CACNA2D1: variants seen among roughly 807,000 people sequenced by gnomAD.
CACNA2D1 encodes calcium voltage-gated channel auxiliary subunit alpha2delta 1.
CACNA2D1 carries 53 observed loss-of-function variants against 171.5 expected under a neutral mutation model. That is an observed-to-expected ratio of 0.31 (90% CI 0.25 to 0.39). The LOEUF (loss-of-function observed/expected upper bound fraction) is 0.39, where lower values mean the gene tolerates loss of function less well. Among genes scored for constraint, CACNA2D1 ranks in the 10% least tolerant of loss-of-function variants. The pLI is 1.00. For synonymous variants in CACNA2D1, 442 were observed against 443.1 expected (o/e 1.00, Z 0.03); for missense variants, 903 against 1,299.8 (o/e 0.69, Z 4.69).
At chr7:82,394,259 A>C (rs996682588) in intron 1 of CACNA2D1, among the ~76,000 whole-genome samples, 1 of 152,074 alleles carries the variant, frequency 6.6e-6, no homozygotes, top group East Asian at 1.9e-4. Context: ...CTTCTTTATA[A>C]ATCTTATAGA....
chr7:82,301,217 C>T (rs1200749191), intron 3 of CACNA2D1, among the ~76,000 whole-genome samples: 3 of 152,248 alleles, frequency 2.0e-5, no homozygotes, highest in Admixed American at 1.3e-4. Flanking sequence ...AACTCTGCCT[C>T]CTGGGTTCAA....
intron 3 of CACNA2D1, among the ~76,000 whole-genome samples, chr7:82,324,084 T>C (rs1176738900): frequency 6.6e-6 from 1 of 152,136 alleles, no homozygotes; most frequent in Non-Finnish European, 1.5e-5. Flanking sequence ...TGGCTGGGCA[T>C]GGTGGCTCAC....
intron 3 of CACNA2D1, among the ~76,000 whole-genome samples, chr7:82,331,758 A>G (rs954804725): frequency 3.2e-4 from 49 of 152,184 alleles, no homozygotes; most frequent in Non-Finnish European, 6.3e-4. Flanking sequence ...AAGACACACT[A>G]TTTCATTCCA....
chr7:82,214,028 C>G (rs139855283), intron 3 of CACNA2D1, among the ~76,000 whole-genome samples: 215 of 152,190 alleles, frequency 1.4e-3, no homozygotes, highest in African/African-American at 4.9e-3. Context: ...GCTGTGTCCC[C>G]ACATGGTTGA....
At chr7:82,159,876 A>G (rs1283967196) in intron 4 of CACNA2D1, among the ~76,000 whole-genome samples, 1 of 80,250 alleles carries the variant, frequency 1.2e-5, no homozygotes, top group East Asian at 3.1e-4. Context: ...TATAGAAAAC[A>G]GAAAATGTAG....
chr7:82,056,494 T>C (rs1277533860), intron 10 of CACNA2D1, among the ~76,000 whole-genome samples: 1 of 152,136 alleles, frequency 6.6e-6, no homozygotes, highest in Non-Finnish European at 1.5e-5. Context: ...TCCAGCTCTG[T>C]ATGTGTCAAC....
intron 3 of CACNA2D1, among the ~76,000 whole-genome samples, chr7:82,330,021 G>C (rs964892096): frequency 6.6e-6 from 1 of 151,950 alleles, no homozygotes; most frequent in Non-Finnish European, 1.5e-5. Flanking sequence ...TAATACATAA[G>C]AGTCATCAGA....
intron 3 of CACNA2D1, among the ~76,000 whole-genome samples, chr7:82,229,493 T>G (rs1802679885): frequency 6.6e-6 from 1 of 151,958 alleles, no homozygotes; most frequent in Non-Finnish European, 1.5e-5. Flanking sequence ...CCAATTTTAT[T>G]ATTTCTTATT....
chr7:82,149,135 G>A (rs1481505200), intron 4 of CACNA2D1, among the ~76,000 whole-genome samples: 2 of 152,100 alleles, frequency 1.3e-5, no homozygotes, highest in Admixed American at 1.3e-4. Flanking sequence ...AGCCCTGTGA[G>A]AGACTACACC....
At chr7:82,407,436 A>C (rs1339625812) in intron 1 of CACNA2D1, among the ~76,000 whole-genome samples, 2 of 152,184 alleles carry the variant, frequency 1.3e-5, no homozygotes, top group African/African-American at 4.8e-5. Context: ...ACTGTTATTT[A>C]TTAATTGATT....
At chr7:82,110,658 G>A (rs1788270820) in intron 6 of CACNA2D1, among the ~76,000 whole-genome samples, 1 of 152,060 alleles carries the variant, frequency 6.6e-6, no homozygotes, top group East Asian at 1.9e-4. Context: ...TGCTGATTAT[G>A]AGCCCACCAT....
At chr7:81,970,469 A>G (rs554206727) in intron 27 of CACNA2D1, among the ~76,000 whole-genome samples, 1 of 151,620 alleles carries the variant, frequency 6.6e-6, no homozygotes, top group Non-Finnish European at 1.5e-5. Context: ...ATATTTGGCA[A>G]GCAAAAACAT....
chr7:81,995,974 T>C (rs1403750057), intron 19 of CACNA2D1, among the ~76,000 whole-genome samples: 1 of 152,096 alleles, frequency 6.6e-6, no homozygotes, highest in Non-Finnish European at 1.5e-5. Flanking sequence ...AAGGAATAAT[T>C]TGAATTTGAA....
intron 1 of CACNA2D1, among the ~76,000 whole-genome samples, chr7:82,374,995 T>G (rs1822855645): frequency 6.6e-6 from 1 of 152,144 alleles, no homozygotes; most frequent in Non-Finnish European, 1.5e-5. Flanking sequence ...AGATTCCAGT[T>G]TTCTAATCCC....
At chr7:82,114,527 G>A (rs771944573) in intron 6 of CACNA2D1, among the ~76,000 whole-genome samples, 12 of 152,132 alleles carry the variant, frequency 7.9e-5, no homozygotes, top group South Asian at 2.1e-4. Context: ...GGTGGATCAC[G>A]AGGTCAGGAG....
chr7:81,967,124 C>T, intron 31 of CACNA2D1, 45 bp downstream of exon 31: 1 of 1,461,270 alleles, frequency 6.8e-7, no homozygotes. Flanking sequence ...AAGAGTAACA[C>T]AAGGAAATAT....
chr7:81,971,878 A>G lies in CACNA2D1; in HGVS notation c.2054-14T>C. 6.7e-7 allele frequency: 1 copy of G among 1,490,634 alleles called. No individual in the cohort carries two copies. Among genetic ancestry groups the G allele is most frequent in the Non-Finnish European group, 9.4e-7 (1 of 1,068,716 alleles). 92.3% of individuals were successfully genotyped at this position (1,490,634 alleles called of 1,614,324 possible). Reference sequence around the variant, plus strand: ...AATCCGCGTTACCTAACACAGAAAAAGATCATCAGTTACACTCACATTTCT... The same window carrying G: ...AATCCGCGTTACCTAACACAGAAAAGGATCATCAGTTACACTCACATTTCT... On this transcript the variant is annotated splice_polypyrimidine_tract_variant and intron_variant, in intron 25 of 38. Transcript: ENST00000356860.
chr7:82,397,754 C>T (rs1252770999), intron 1 of CACNA2D1, among the ~76,000 whole-genome samples: 2 of 152,128 alleles, frequency 1.3e-5, no homozygotes, highest in Admixed American at 1.3e-4. Flanking sequence ...ATCATCGTTA[C>T]CATGCTCTGT....
intron 38 of CACNA2D1, 145 bp downstream of exon 38, chr7:81,959,130 T>C (rs1793790836): frequency 9.0e-6 from 6 of 666,972 alleles, no homozygotes; most frequent in South Asian, 1.7e-5. Flanking sequence ...ATGAAAAAAA[T>C]CTACCAGCAA....
Sources: allele counts gnomAD v4.1 joint callset (sites outside exome capture counted in the v4.1 genomes callset), GRCh38; gene constraint gnomAD v4.1.1; transcripts MANE v1.5; gene names NCBI Gene and HGNC (gene_info 2026-07-23, HGNC 2026-07-21).